The following UGT1A9 variants were observed in gnomAD, a reference collection of about 807,000 sequenced individuals.
UGT1A9 encodes the protein UDP-glucuronosyltransferase 1A9.
A neutral mutation model predicts 45.0 loss-of-function variants in UGT1A9; 35 were observed. The observed-to-expected ratio is 0.78, with a 90% CI of 0.59 to 1.03. UGT1A9 has a LOEUF of 1.03. UGT1A9 is among the 50% of genes least tolerant of loss of function. UGT1A9 has a pLI of 0.00. For missense variants in UGT1A9, 687 were observed against 666.6 expected (o/e 1.03, Z -0.34); for synonymous variants, 278 against 250.6 (o/e 1.11, Z -1.03).
intron 1 of UGT1A9, among the ~76,000 whole-genome samples, chr2:233,710,471 G>A (rs963100738): frequency 2.6e-5 from 4 of 152,226 alleles, no homozygotes. Flanking sequence ...TGGGTGTGTA[G>A]TAGAATTTCA....
chr2:233,746,290 CTT>C (rs1389294286), intron 1 of UGT1A9, among the ~76,000 whole-genome samples: 2 of 151,596 alleles, frequency 1.3e-5, no homozygotes, highest in Non-Finnish European at 2.9e-5. Flanking sequence ...AGGAAGGTGG[CTT>C]TGTTTCCCTT....
intron 1 of UGT1A9, chr2:233,754,734 T>C (rs1381377212): frequency 1.5e-6 from 1 of 652,198 alleles, no homozygotes; most frequent in Middle Eastern, 2.9e-4. Flanking sequence ...ATCACTACCG[T>C]AGGACATGCA....
In UGT1A9 at chr2:233,740,456, A is replaced by T. The variant is rs1042251699; in HGVS notation, c.856-26578A>T. ...GAAAGTGGAATCAGAGGAGAAGAAG[A>T]TGATGGACAGAAAGGATCATTCCCT... On this transcript the variant is annotated intron_variant, in intron 1 of 4. Transcript: ENST00000354728. 7.2e-5 allele frequency among the ~76,000 whole-genome samples: 11 copies of T among 151,968 alleles called. 1 individual carries two copies. The highest frequency in any genetic ancestry group is 2.4e-4 in the African/African-American group (10 of 41,218).
intron 1 of UGT1A9, among the ~76,000 whole-genome samples, chr2:233,685,862 T>C (rs1362783391): frequency 6.6e-6 from 1 of 152,228 alleles, no homozygotes; most frequent in Non-Finnish European, 1.5e-5. Context: ...ATAGACACAA[T>C]ACCTAAGACA....
At chr2:233,757,911 T>G (rs1423273798) in intron 1 of UGT1A9, among the ~76,000 whole-genome samples, 6 of 152,118 alleles carry the variant, frequency 3.9e-5, no homozygotes, top group Non-Finnish European at 8.8e-5. Flanking sequence ...GACGTGTCAC[T>G]CTTTAGCAGC....
chr2:233,735,701 C>T (rs2078683713), intron 1 of UGT1A9, among the ~76,000 whole-genome samples: 1 of 151,894 alleles, frequency 6.6e-6, no homozygotes, highest in South Asian at 2.1e-4. Flanking sequence ...GTAAGGCAGG[C>T]CTGGTGGTGA....
intron 1 of UGT1A9, among the ~76,000 whole-genome samples, chr2:233,725,079 C>G (rs370992455): frequency 6.2e-5 from 9 of 144,294 alleles, no homozygotes; most frequent in East Asian, 2.1e-4. Flanking sequence ...CGCAGGCACT[C>G]GGCAGGCTGA....
intron 1 of UGT1A9, chr2:233,754,785 C>A (rs751766973): frequency 1.7e-6 from 2 of 1,177,776 alleles, no homozygotes; most frequent in Non-Finnish European, 2.3e-6. Context: ...GCCAAAGGAA[C>A]GAAATCCTGT....
intron 1 of UGT1A9, among the ~76,000 whole-genome samples, chr2:233,695,158 A>G (rs2075269313): frequency 1.5e-5 from 2 of 134,270 alleles, no homozygotes; most frequent in African/African-American, 2.8e-5. Context: ...ACAGAGTCTC[A>G]CTCTGTCATC....
intron 1 of UGT1A9, among the ~76,000 whole-genome samples, chr2:233,711,664 A>G (rs527821361): frequency 2.0e-5 from 3 of 152,284 alleles, no homozygotes; most frequent in Admixed American, 6.5e-5. Context: ...GGTGGAATCT[A>G]TTATCAATGT....
intron 1 of UGT1A9, among the ~76,000 whole-genome samples, chr2:233,756,691 G>C (rs1044916114): frequency 6.6e-6 from 1 of 152,108 alleles, no homozygotes; most frequent in Non-Finnish European, 1.5e-5. Flanking sequence ...ATATAATGAC[G>C]ATGAATTTTG....
rs187355953 is a variant in UGT1A9 at position 233,736,029 on chromosome 2, T to A, written c.856-31005T>A. 5.3e-3 allele frequency among the ~76,000 whole-genome samples: 815 copies of A among 152,350 alleles called. 8 individuals are homozygous for A. The highest frequency in any genetic ancestry group is 0.019 in the African/African-American group (776 of 41,576). On this transcript the variant is annotated intron_variant, in intron 1 of 4. Transcript: ENST00000354728. ...CGAGGAGTATCTTTGTGGTGTTCTC[T>A]GTATTTCCTGAATTTGAATGTTGGC... is the stretch of plus-strand genomic sequence containing the variant.
rs1361976171 is a variant in UGT1A9, at chr2:233,732,838, C to T, written c.856-34196C>T. ...ATATGAACTTTAAAGTAGTTTTTTC[C>T]AATTTTGTGAAGTCATTGGTAGCTT... On this transcript the variant is annotated intron_variant, in intron 1 of 4. Transcript: ENST00000354728. Among the ~76,000 whole-genome samples, 5 of 149,882 alleles carry T rather than the reference C, an allele frequency of 3.3e-5. No homozygotes were observed. The East Asian group carries it at 7.8e-4, about 23-fold the overall frequency.
At chr2:233,711,503 TC>T (rs1193779053) in intron 1 of UGT1A9, among the ~76,000 whole-genome samples, 1 of 152,132 alleles carries the variant, frequency 6.6e-6, no homozygotes, top group Non-Finnish European at 1.5e-5. Flanking sequence ...AGAATCCCTT[TC>T]TAGCGCTCTG....
intron 1 of UGT1A9, among the ~76,000 whole-genome samples, chr2:233,764,774 A>C (rs1698642300): frequency 6.6e-6 from 1 of 152,202 alleles, no homozygotes; most frequent in African/African-American, 2.4e-5. Context: ...GAAGGAGTTC[A>C]GAAAAACCAT....
At position 233,772,328 on chromosome 2, in the gene UGT1A9, G is replaced by A. The variant is rs1288878731; in HGVS notation, c.1362G>A (p.Leu454=). 2 of 1,614,180 alleles carry A rather than the reference G, an allele frequency of 1.2e-6. No individual in the cohort carries two copies. The highest frequency in any genetic ancestry group is 1.7e-6 in the Non-Finnish European group (2 of 1,180,040). The change falls in exon 5 of 5, where the codon CTG becomes CTA. Residue 454 remains leucine (L), a synonymous_variant. Coordinates refer to ENST00000354728, the MANE Select transcript of UGT1A9 (RefSeq NM_021027.3). ...HKDRPVEPLD[L]AVFWVEFVMR... is the part of the protein sequence containing the mutation. ...ACCGCCCGGTGGAGCCGCTGGACCT[G>A]GCCGTGTTCTGGGTGGAGTTTGTGA...
intron 1 of UGT1A9, chr2:233,729,128 T>C (rs765683446): frequency 2.4e-5 from 38 of 1,613,072 alleles, no homozygotes; most frequent in Non-Finnish European, 3.1e-5. Context: ...TCTGCTGAGA[T>C]GGCCACAGGA....
chr2:233,717,210 G>A (rs145684488), intron 1 of UGT1A9, among the ~76,000 whole-genome samples: 64 of 152,210 alleles, frequency 4.2e-4, no homozygotes, highest in Non-Finnish European at 9.1e-4. Flanking sequence ...CCCTCACCCC[G>A]GGCTCATCAG....
At chr2:233,754,435 GTTT>G (rs1438333697) in intron 1 of UGT1A9, 18 of 350,500 alleles carry the variant, frequency 5.1e-5, no homozygotes, top group Non-Finnish European at 5.6e-6. Context: ...GGCATAAAGT[GTTT>G]ATAAATTCTT....
Sources: allele counts gnomAD v4.1 joint callset (sites outside exome capture counted in the v4.1 genomes callset), GRCh38; gene constraint gnomAD v4.1.1; transcripts MANE v1.5; gene names NCBI Gene and HGNC (gene_info 2026-07-23, HGNC 2026-07-21).